DCC: variants seen among roughly 807,000 people sequenced by gnomAD.
DCC encodes the protein DCC netrin 1 receptor.
DCC carries 58 observed loss-of-function variants against 172.5 expected under a neutral mutation model. The observed-to-expected ratio is 0.34, with a 90% CI of 0.27 to 0.42. The LOEUF (loss-of-function observed/expected upper bound fraction) is 0.42, where lower values mean the gene tolerates loss of function less well. DCC is among the 10% of genes least tolerant of loss of function. The pLI is 1.00. For synonymous variants in DCC, 709 were observed against 644.5 expected, an observed-to-expected ratio of 1.10 and a Z score of -1.52; for missense variants, 1,740 against 1,791.0, an observed-to-expected ratio of 0.97 and a Z score of 0.51.
intron 5 of DCC, among the ~76,000 whole-genome samples, chr18:52,945,527 A>T (rs2040530292): frequency 6.6e-6 from 1 of 152,208 alleles, no homozygotes; most frequent in Admixed American, 6.5e-5. Context: ...TATTTCTATT[A>T]TTGCTTTATT....
chr18:53,287,901 T>A (rs1218163702), intron 12 of DCC, among the ~76,000 whole-genome samples: 1 of 152,182 alleles, frequency 6.6e-6, no homozygotes, highest in African/African-American at 2.4e-5. Context: ...GGTCACTGAT[T>A]CTTAAAACGT....
chr18:52,690,574 C>T (rs11082939), intron 1 of DCC, among the ~76,000 whole-genome samples: 62,402 of 151,974 alleles, frequency 0.41, 13,137 homozygotes, highest in Non-Finnish European at 0.47. Flanking sequence ...AACAGTATTT[C>T]CATATACATT....
chr18:53,526,864 C>CAGGCCACCCA, intron 28 of DCC, 105 bp downstream of exon 28: 1 of 1,082,136 alleles, frequency 9.2e-7, no homozygotes. Flanking sequence ...CAGGCCACCC[C>CAGGCCACCCA]AGGCCATTGT....
At chr18:52,408,070 A>C (rs2144395249) in intron 1 of DCC, among the ~76,000 whole-genome samples, 1 of 152,226 alleles carries the variant, frequency 6.6e-6, no homozygotes, top group South Asian at 2.1e-4. Context: ...AATAAATGAC[A>C]ATAAGTCTTC....
At chr18:52,816,113 A>G (rs2038292006) in intron 2 of DCC, among the ~76,000 whole-genome samples, 2 of 152,196 alleles carry the variant, frequency 1.3e-5, no homozygotes, top group South Asian at 4.1e-4. Context: ...ACTATTATTA[A>G]TCCCATTTTT....
At chr18:52,682,763 G>A (rs1461326891) in intron 1 of DCC, among the ~76,000 whole-genome samples, 1 of 152,126 alleles carries the variant, frequency 6.6e-6, no homozygotes, top group Non-Finnish European at 1.5e-5. Context: ...ATGACTGGGG[G>A]AAGGGTTACT....
chr18:52,469,281 G>A lies in DCC; in HGVS notation c.91+128403G>A, dbSNP rs564210275. Among the ~76,000 whole-genome samples, 127 of 152,128 alleles carry A rather than the reference G, an allele frequency of 8.3e-4. 1 individual carries two copies. The highest frequency in any genetic ancestry group is 8.3e-3 in the Admixed American group (126 of 15,262). The stretch of plus-strand genomic sequence containing the variant: ...CTCTGTTGCCCAGGGTAGTCTCAAA[G>A]TCCTGAGCTCAGGCCATCTGCCCAC... On this transcript the variant is annotated intron_variant, in intron 1 of 28. Transcript: ENST00000442544.
intron 26 of DCC, 36 bp downstream of exon 26, chr18:53,486,994 TGA>T (rs1393879095): frequency 1.2e-6 from 2 of 1,613,104 alleles, no homozygotes; most frequent in Admixed American, 3.3e-5. Context: ...TAAGCACAAA[TGA>T]ATAATAGCAA....
intron 13 of DCC, among the ~76,000 whole-genome samples, chr18:53,308,821 T>G (rs2057231874): frequency 6.6e-6 from 1 of 152,084 alleles, no homozygotes; most frequent in African/African-American, 2.4e-5. Flanking sequence ...GAATAGACAT[T>G]TATTCTCATA....
At chr18:53,159,312 C>G (rs1045909602) in intron 8 of DCC, among the ~76,000 whole-genome samples, 1 of 152,084 alleles carries the variant, frequency 6.6e-6, no homozygotes, top group African/African-American at 2.4e-5. Context: ...ATCTTCCATC[C>G]CCGTTGACCA....
In DCC at chr18:53,416,170, A is replaced by G. The variant is rs775015298; in HGVS notation, c.3163+14A>G. The G allele has an allele frequency of 1.9e-6, 3 of 1,595,486 alleles. No individual in the cohort carries two copies. Among genetic ancestry groups the G allele is most frequent in the Admixed American group, 1.7e-5 (1 of 59,942 alleles). On this transcript the variant is annotated intron_variant, in intron 21 of 28. Coordinates refer to ENST00000442544, the MANE Select transcript of DCC (RefSeq NM_005215.4). ...CTAATGACCAAGGTATGGTGGCTCA[A>G]TCTGTCATTTTGTGTTCCTTGAATC...
intron 1 of DCC, among the ~76,000 whole-genome samples, chr18:52,570,909 T>A (rs1598921561): frequency 6.6e-6 from 1 of 152,294 alleles, no homozygotes; most frequent in East Asian, 1.9e-4. Flanking sequence ...AGAATAAGAC[T>A]AATTAGTTTT....
chr18:53,496,723 A>G (rs777254955), intron 26 of DCC, among the ~76,000 whole-genome samples: 3 of 152,210 alleles, frequency 2.0e-5, no homozygotes, highest in Non-Finnish European at 4.4e-5. Context: ...CACGGAAGTT[A>G]AGAACCTTGA....
At chr18:52,669,099 T>A (rs2035506429) in intron 1 of DCC, among the ~76,000 whole-genome samples, 1 of 152,130 alleles carries the variant, frequency 6.6e-6, no homozygotes, top group African/African-American at 2.4e-5. Context: ...GGAAAACCAG[T>A]GAGCCAGGAG....
chr18:52,779,576 C>T (rs1460333733), intron 2 of DCC, among the ~76,000 whole-genome samples: 1 of 152,078 alleles, frequency 6.6e-6, no homozygotes, highest in Non-Finnish European at 1.5e-5. Flanking sequence ...GGGTTAGTTC[C>T]AAGTCTTTGC....
At chr18:53,122,384 C>T (rs990386309) in intron 7 of DCC, among the ~76,000 whole-genome samples, 5 of 151,932 alleles carry the variant, frequency 3.3e-5, no homozygotes, top group African/African-American at 1.2e-4. Context: ...TATAATTTTT[C>T]AAAAGGGGAA....
chr18:52,550,785 G>T (rs1239754503), intron 1 of DCC, among the ~76,000 whole-genome samples: 1 of 152,098 alleles, frequency 6.6e-6, no homozygotes, highest in Non-Finnish European at 1.5e-5. Context: ...TGCAAAGTGT[G>T]TAACAGATGC....
intron 9 of DCC, among the ~76,000 whole-genome samples, chr18:53,184,928 A>G (rs987313890): frequency 6.6e-6 from 1 of 152,182 alleles, no homozygotes; most frequent in Non-Finnish European, 1.5e-5. Flanking sequence ...TTGATTTACA[A>G]TGATTAACTG....
At chr18:53,265,395 T>G (rs1199531838) in intron 12 of DCC, among the ~76,000 whole-genome samples, 1 of 152,210 alleles carries the variant, frequency 6.6e-6, no homozygotes, top group Non-Finnish European at 1.5e-5. Flanking sequence ...TACTATGCAT[T>G]GGAGAAACAC....
Sources: gnomAD v4.1 joint callset for allele counts (sites outside exome capture counted in the v4.1 genomes callset) on GRCh38, gnomAD v4.1.1 for gene constraint, MANE v1.5 for transcripts, NCBI Gene and HGNC (gene_info 2026-07-23, HGNC 2026-07-21) for gene names.